HMCN2: variants seen among roughly 807,000 people sequenced by gnomAD.
The protein encoded by HMCN2 is hemicentin-2.
In HMCN2, 325 loss-of-function variants were observed where a neutral mutation model predicts 377.5. The ratio of observed to expected loss-of-function variants is 0.86; its 90% CI spans 0.79 to 0.94. The LOEUF (loss-of-function observed/expected upper bound fraction) is 0.94, where lower values mean the gene tolerates loss of function less well. HMCN2 is among the 40% of genes least tolerant of loss of function. The pLI is 0.00. For missense variants in HMCN2, 4,543 were observed against 4,725.3 expected, an observed-to-expected ratio of 0.96 and a Z score of 1.13; for synonymous variants, 2,007 against 2,046.8, an observed-to-expected ratio of 0.98 and a Z score of 0.53.
In HMCN2 at chr9:130,433,815, C is replaced by T; in HGVS notation, c.*122C>T. 1 of 843,398 alleles carries T rather than the reference C, an allele frequency of 1.2e-6. No individual in the cohort carries two copies. Among genetic ancestry groups the T allele is most frequent in the South Asian group, 2.1e-5 (1 of 47,484 alleles). The allele number at this position is 843,398 out of a possible 1,614,324, so 52.2% of individuals were successfully genotyped here. A position where few individuals can be genotyped will look rare whatever the true frequency, so the allele number is the denominator to read the frequency against. On this transcript the variant is annotated 3_prime_UTR_variant, in exon 98 of 98. Coordinates refer to ENST00000683500, the MANE Select transcript of HMCN2 (RefSeq NM_001291815.2). The stretch of plus-strand genomic sequence containing the variant: ...CATCGTCTCCCGCCCCGTGCGTCAG[C>T]GAGACCTTGGGTCAACACGACCCTG...
chr9:130,406,083 T>C lies in HMCN2; in HGVS notation c.12468T>C (p.Leu4156=). The C allele has an allele frequency of 7.8e-7, 1 of 1,289,810 alleles. No homozygotes were observed. The highest frequency in any genetic ancestry group is 1.2e-5 in the South Asian group (1 of 81,026). The allele number at this position is 1,289,810 out of a possible 1,614,324, so 79.9% of individuals were successfully genotyped here. A position where few individuals can be genotyped will look rare whatever the true frequency, so the allele number is the denominator to read the frequency against. The change falls in exon 82 of 98, where the codon CTT becomes CTC. Residue 4156 remains leucine (L), a synonymous_variant. Transcript: ENST00000683500. The stretch of plus-strand genomic sequence containing the variant: ...TGCCTGGGGACCGCAGCCTGCGCCT[T>C]GGGGACAGGCTGTGGCTTCGCTGTG... ...TTLPGDRSLR[L]GDRLWLRCAA...
At chr9:130,275,951 G>T (rs1397652294) in intron 1 of HMCN2, among the ~76,000 whole-genome samples, 1 of 152,138 alleles carries the variant, frequency 6.6e-6, no homozygotes, top group African/African-American at 2.4e-5. Context: ...GGGTTGGCGG[G>T]GAGTGGCCTG....
chr9:130,374,375 T>C lies in HMCN2; in HGVS notation c.7439-127T>C, dbSNP rs573746626. 2.2e-5 allele frequency: 7 copies of C among 311,810 alleles called. No homozygotes were observed. In the East Asian group the frequency reaches 6.9e-4, roughly 31 times the overall value. The allele number at this position is 311,810 out of a possible 1,614,324, so 19.3% of individuals were successfully genotyped here. A position where few individuals can be genotyped will look rare whatever the true frequency, so the allele number is the denominator to read the frequency against. ...CACAGGCTGCTGCTGCTTCTTCTTG[T>C]GCTTCATGGGCCTCTGGGCCGGAAT... On this transcript the variant is annotated intron_variant, in intron 48 of 97. Transcript: ENST00000683500.
chr9:130,365,550 A>T (rs1028402228), intron 41 of HMCN2, 81 bp from the exon 42 acceptor site: 8 of 657,784 alleles, frequency 1.2e-5, no homozygotes, highest in Non-Finnish European at 9.4e-6. Flanking sequence ...GTCACGTGAC[A>T]TGTCTGCAGT....
intron 82 of HMCN2, 62 bp from the exon 83 acceptor site, chr9:130,407,509 G>A: frequency 1.6e-6 from 2 of 1,256,966 alleles, no homozygotes; most frequent in Non-Finnish European, 2.1e-6. Context: ...CAGGTACCCA[G>A]GCACCAGGGA....
intron 1 of HMCN2, among the ~76,000 whole-genome samples, chr9:130,271,600 TGTTTTC>T (rs1456843539): frequency 2.7e-5 from 4 of 149,084 alleles, no homozygotes; most frequent in South Asian, 2.2e-4. Flanking sequence ...TTTTTGTTTT[TGTTTTC>T]GTTTTTCCCA....
chr9:130,293,279 G>GTTTTTTTTTTTTGTT (rs1835903149), intron 4 of HMCN2, among the ~76,000 whole-genome samples: 1 of 57,126 alleles, frequency 1.8e-5, no homozygotes, highest in South Asian at 8.3e-4. Context: ...ACTCACTAAA[G>GTTTTTTTTTTTTGTT]TTTTTTTTTT....
chr9:130,417,293 G>C (rs943344422), intron 85 of HMCN2, among the ~76,000 whole-genome samples: 1 of 152,008 alleles, frequency 6.6e-6, no homozygotes, highest in Non-Finnish European at 1.5e-5. Context: ...AGGCCGAGGA[G>C]AGTGGATCAC....
Position 130,277,596 on chromosome 9 carries a change from A to C in HMCN2, c.260-7007A>C, listed in dbSNP as rs72761242. On this transcript the variant is annotated intron_variant, in intron 1 of 97. Transcript: ENST00000683500. ...ATAGTAGACCTCATAGGTTGTTGTAAGGCTTTTATGAGCAAATGCACGTCA... is the reference window on the plus strand; with the variant it reads ...ATAGTAGACCTCATAGGTTGTTGTACGGCTTTTATGAGCAAATGCACGTCA... Among the ~76,000 whole-genome samples, 175 of 152,324 alleles carry C rather than the reference A, an allele frequency of 1.1e-3. 1 individual carries two copies. The highest frequency in any genetic ancestry group is 1.9e-3 in the Non-Finnish European group (131 of 68,036).
Position 130,397,592 on chromosome 9 carries a change from T to C in HMCN2, c.11263T>C (p.Tyr3755His). The C allele has an allele frequency of 7.8e-7, 1 of 1,289,850 alleles. No homozygotes were observed. 79.9% of individuals were successfully genotyped at this position (1,289,850 alleles called of 1,614,324 possible). A position where few individuals can be genotyped will look rare whatever the true frequency, so the allele number is the denominator to read the frequency against. ...AGTCCTTGCCCAGGACGCCGGCCAC[T>C]ACCTCTGCCTGGCATCCAACTCTGC... ...QPVLAQDAGH[Y>H]LCLASNSAGS... is the part of the protein sequence containing the mutation. Residue 3755 changes from tyrosine (Y) to histidine (H), a missense_variant, in exon 74 of 98, where the codon TAC becomes CAC. Around this residue, in one of 5 missense-constraint regions of HMCN2, gnomAD observed 1,073 missense variants for 1,319.5 expected, o/e 0.81. Coordinates refer to ENST00000683500, the MANE Select transcript of HMCN2 (RefSeq NM_001291815.2).
chr9:130,397,485 C>T (rs1564854042), intron 73 of HMCN2, 43 bp from the exon 74 acceptor site: 1 of 1,286,760 alleles, frequency 7.8e-7, no homozygotes, highest in Non-Finnish European at 1.0e-6. Context: ...GCTCCAGACC[C>T]CACTGGCTTG....
In HMCN2 at chr9:130,360,722, C is replaced by T. The variant is rs75495972; in HGVS notation, c.5950+118C>T. On this transcript the variant is annotated intron_variant, in intron 38 of 97. Transcript: ENST00000683500. This position sits in a 1 kb window ranked among gnomAD's most constrained non-coding sequence, Gnocchi z 4.7. ...CCATCCATCTACCACCCCATCCATC[C>T]GTTACCCCATCCATCCATCATCCAT... The T allele has an allele frequency of 4.5e-3, 2,000 of 447,360 alleles. 40 individuals carry two copies. Among genetic ancestry groups the T allele is most frequent in the African/African-American group, 0.037 (1,753 of 47,682 alleles). 27.7% of individuals were successfully genotyped at this position (447,360 alleles called of 1,614,324 possible). A position where few individuals can be genotyped will look rare whatever the true frequency, so the allele number is the denominator to read the frequency against.
In HMCN2 at chr9:130,348,628, A is replaced by T; in HGVS notation, c.4108A>T (p.Asn1370Tyr). 3 of 1,304,142 alleles carry T rather than the reference A, an allele frequency of 2.3e-6. No individual in the cohort carries two copies. Among genetic ancestry groups the T allele is most frequent in the Non-Finnish European group, 3.0e-6 (3 of 988,918 alleles). The allele number at this position is 1,304,142 out of a possible 1,614,324, so 80.8% of individuals were successfully genotyped here. A position where few individuals can be genotyped will look rare whatever the true frequency, so the allele number is the denominator to read the frequency against. ...GTCCCTGACGCTGGAGTGTGACGCG[A>T]ACGGCTTTCCAGTCCCTGAGATCGT... ...GQSLTLECDA[N>Y]GFPVPEIVWL... Residue 1370 changes from asparagine to tyrosine, a missense_variant, in exon 27 of 98, where the codon AAC (asparagine) becomes TAC (tyrosine). By Grantham distance (143) the Asn-to-Tyr change is moderately radical. Transcript: ENST00000683500.
intron 81 of HMCN2, among the ~76,000 whole-genome samples, chr9:130,405,741 G>C (rs942228768): frequency 6.6e-6 from 1 of 152,266 alleles, no homozygotes; most frequent in African/African-American, 2.4e-5. Context: ...CATGCAGTCA[G>C]GGCTGGGGTT....
rs1564766735 is a variant in HMCN2 at position 130,304,601 on chromosome 9, A to G, written c.1544-129A>G. 14 of 359,578 alleles carry G rather than the reference A, an allele frequency of 3.9e-5. No homozygotes were observed. Among genetic ancestry groups the G allele is most frequent in the Non-Finnish European group, 5.1e-5 (9 of 178,052 alleles). The allele number at this position is 359,578 out of a possible 1,614,324, so 22.3% of individuals were successfully genotyped here. ...TGGTCACCCTATGCTGCTAGCTGAC[A>G]TGTCCTGAATGATCTGGTTCGGGTG... On this transcript the variant is annotated intron_variant, in intron 10 of 97. Transcript: ENST00000683500. The surrounding 1 kb of genome is among the most constrained non-coding windows in gnomAD (Gnocchi z 4.3).
At chr9:130,289,676 G>A (rs1554929323) in intron 4 of HMCN2, among the ~76,000 whole-genome samples, 1 of 152,132 alleles carries the variant, frequency 6.6e-6, no homozygotes, top group East Asian at 1.9e-4. Context: ...ACCCCCCCGT[G>A]CTTCAATGTG....
chr9:130,279,833 C>CA (rs1308746450), intron 1 of HMCN2, among the ~76,000 whole-genome samples: 2 of 152,204 alleles, frequency 1.3e-5, no homozygotes, highest in Non-Finnish European at 2.9e-5. Context: ...AGGGACTTTG[C>CA]AGGTGTGACA....
In HMCN2 at chr9:130,391,523, G is replaced by C. The variant is rs1228370117; in HGVS notation, c.9901G>C (p.Ala3301Pro). The change falls in exon 65 of 98, where the codon GCC becomes CCC. Residue 3301 changes from alanine (A) to proline (P), a missense_variant. Around this residue, in one of 5 missense-constraint regions of HMCN2, gnomAD observed 1,073 missense variants for 1,319.5 expected, o/e 0.81. Coordinates refer to ENST00000683500, the MANE Select transcript of HMCN2 (RefSeq NM_001291815.2). ...GGACGCGGGTGCCTACACCTGCGTG[G>C]CCCACAACCCAGCCGGGGAGGACGC... is the stretch of plus-strand genomic sequence containing the variant. ...ASDAGAYTCV[A>P]HNPAGEDARL... is the part of the protein sequence containing the mutation. The C allele has an allele frequency of 1.0e-6, 1 of 987,696 alleles. No individual in the cohort carries two copies. The highest frequency in any genetic ancestry group is 1.7e-5 in the African/African-American group (1 of 57,310). 61.2% of individuals were successfully genotyped at this position (987,696 alleles called of 1,614,324 possible).
intron 16 of HMCN2, 79 bp downstream of exon 16, chr9:130,319,774 G>C (rs1275173138): frequency 6.6e-6 from 1 of 152,110 alleles, no homozygotes; most frequent in Non-Finnish European, 1.5e-5. Context: ...CCAGGTGGCC[G>C]AGAGCAGGAC....
Sources: gnomAD v4.1 joint callset for allele counts (sites outside exome capture counted in the v4.1 genomes callset) on GRCh38, gnomAD v4.1.1 for gene constraint, gnomAD v4.1.1 regional missense constraint, Gnocchi (gnomAD v3.1) non-coding constraint, MANE v1.5 for transcripts, NCBI Gene and HGNC (gene_info 2026-07-23, HGNC 2026-07-21) for gene names.